Variants in OSBPL3 observed in about 807,000 individuals in gnomAD.
OSBPL3 encodes oxysterol-binding protein-related protein 3.
Under a neutral mutation model 120.1 loss-of-function variants are expected in OSBPL3, and 65 were observed. That is an observed-to-expected ratio of 0.54 (90% CI 0.44 to 0.67). The LOEUF is 0.67. Among genes scored for constraint, OSBPL3 ranks in the 30% least tolerant of loss-of-function variants. The pLI is 0.00. For missense variants in OSBPL3, 1,004 were observed against 1,082.1 expected (o/e 0.93, Z 1.01); for synonymous variants, 416 against 402.6 (o/e 1.03, Z -0.40).
In OSBPL3 at chr7:24,965,472, T is replaced by G. The variant is rs959881190; in HGVS notation, c.-150+14414A>C. Among the ~76,000 whole-genome samples, 1 of 152,194 alleles carries G rather than the reference T, an allele frequency of 6.6e-6. No homozygotes were observed. The highest frequency in any genetic ancestry group is 1.5e-5 in the Non-Finnish European group (1 of 68,032). ...AGTGTTATATAAAATAAGGGGGTTATGACAATCTAATGATAACCAGAATTC... is the reference window on the plus strand; with the variant it reads ...AGTGTTATATAAAATAAGGGGGTTAGGACAATCTAATGATAACCAGAATTC... On this transcript the variant is annotated intron_variant, in intron 1 of 22. Transcript: ENST00000313367. This position sits in a 1 kb window ranked among gnomAD's most constrained non-coding sequence, Gnocchi z 4.3.
chr7:24,863,633 T>G lies in OSBPL3; in HGVS notation c.674-34A>C. 2 of 1,341,994 alleles carry G rather than the reference T, an allele frequency of 1.5e-6. No homozygotes were observed. The highest frequency in any genetic ancestry group is 2.1e-6 in the Non-Finnish European group (2 of 932,070). 83.1% of individuals were successfully genotyped at this position (1,341,994 alleles called of 1,614,324 possible). The stretch of plus-strand genomic sequence containing the variant: ...GAAAAGAGGACAGTGCTCACAATGC[T>G]CCACTAGCAAGAGGGATCACTGTGC... On this transcript the variant is annotated intron_variant, in intron 7 of 22. Transcript: ENST00000313367. This position sits in a 1 kb window ranked among gnomAD's most constrained non-coding sequence, Gnocchi z 5.8.
chr7:24,921,994 C>T (rs956838493), intron 1 of OSBPL3, among the ~76,000 whole-genome samples: 6 of 152,212 alleles, frequency 3.9e-5, no homozygotes, highest in Admixed American at 2.6e-4. Flanking sequence ...CAATTTTTCA[C>T]CACCTTTATG....
At chr7:24,848,555 G>C (rs533715662) in intron 12 of OSBPL3, among the ~76,000 whole-genome samples, 1 of 152,142 alleles carries the variant, frequency 6.6e-6, no homozygotes, top group African/African-American at 2.4e-5. Flanking sequence ...AACTGACCAA[G>C]AGACACTTTA....
At chr7:24,920,717 T>G (rs1223768639) in intron 1 of OSBPL3, among the ~76,000 whole-genome samples, 2 of 151,962 alleles carry the variant, frequency 1.3e-5, no homozygotes, top group Non-Finnish European at 2.9e-5. Context: ...GCAAGCTCAG[T>G]TGAAAACAAA....
At position 24,914,166 on chromosome 7, in the gene OSBPL3, C is replaced by T. The variant is rs372397599; in HGVS notation, c.-149-21545G>A. Among the ~76,000 whole-genome samples, 27 of 152,044 alleles carry T rather than the reference C, an allele frequency of 1.8e-4. No individual in the cohort carries two copies. The South Asian group carries it at 5.6e-3, about 32-fold the overall frequency. ...GAAGAATGATTGAAAGTAGAGGTAA[C>T]AAGGGAGAAGAGACAAGAGCCCAAC... On this transcript the variant is annotated intron_variant, in intron 1 of 22. Coordinates refer to ENST00000313367, the MANE Select transcript of OSBPL3 (RefSeq NM_015550.4).
intron 1 of OSBPL3, among the ~76,000 whole-genome samples, chr7:24,950,505 G>A (rs1372346361): frequency 2.0e-5 from 3 of 151,756 alleles, no homozygotes; most frequent in Non-Finnish European, 4.4e-5. Flanking sequence ...GGCGGATCAC[G>A]AGGTCAGGAG....
At chr7:24,906,843 C>A (rs1487088254) in intron 1 of OSBPL3, among the ~76,000 whole-genome samples, 1 of 152,158 alleles carries the variant, frequency 6.6e-6, no homozygotes, top group Non-Finnish European at 1.5e-5. Flanking sequence ...TCTTGATCAT[C>A]TTTACAGGCC....
intron 10 of OSBPL3, among the ~76,000 whole-genome samples, chr7:24,853,701 T>C (rs1422268498): frequency 6.6e-6 from 1 of 152,142 alleles, no homozygotes; most frequent in African/African-American, 2.4e-5. Flanking sequence ...TATAAAGCCA[T>C]AAAGAACAAC....
Position 24,806,865 on chromosome 7 carries a change from G to A in OSBPL3, c.2355C>T (p.Phe785=), listed in dbSNP as rs1221178750. The A allele has an allele frequency of 7.4e-6, 12 of 1,613,904 alleles. No homozygotes were observed. The East Asian group carries it at 2.7e-4, about 36-fold the overall frequency. The change falls in exon 21 of 23, where the codon TTC becomes TTT. Residue 785 remains phenylalanine, a synonymous_variant. Transcript: ENST00000313367. The surrounding 1 kb of genome is among the most constrained non-coding windows in gnomAD (Gnocchi z 5.2). ...MPKGYEQYYS[F]TQFALELNEM... is the part of the protein sequence containing the mutation. ...CATTTAATTCCAGCGCAAACTGTGT[G>A]AAGCTATAGTATTGCTCGTAGCCTT...
chr7:24,960,682 G>T (rs1022078051), intron 1 of OSBPL3, among the ~76,000 whole-genome samples: 1 of 152,102 alleles, frequency 6.6e-6, no homozygotes, highest in African/African-American at 2.4e-5. Context: ...TGAAGTCTAG[G>T]TGACCACCAG....
At chr7:24,880,923 T>C (rs1803591851) in intron 2 of OSBPL3, among the ~76,000 whole-genome samples, 2 of 152,186 alleles carry the variant, frequency 1.3e-5, no homozygotes, top group South Asian at 4.1e-4. Flanking sequence ...AAAAAACCTT[T>C]CAGTGACATG....
rs1809557136 is a variant in OSBPL3, at chr7:24,916,430, T to C, written c.-149-23809A>G. On this transcript the variant is annotated intron_variant, in intron 1 of 22. Transcript: ENST00000313367. This position sits in a 1 kb window ranked among gnomAD's most constrained non-coding sequence, Gnocchi z 4.9. ...ATATTTTACTTTCTCCTTTGAACTT[T>C]TTTTTCTTTTGCCTAATTTTTTTTA... 6.6e-6 allele frequency among the ~76,000 whole-genome samples: 1 copy of C among 152,144 alleles called. No homozygotes were observed. The highest frequency in any genetic ancestry group is 1.5e-5 in the Non-Finnish European group (1 of 68,022).
At chr7:24,884,245 A>C (rs1049337931) in intron 2 of OSBPL3, among the ~76,000 whole-genome samples, 85 of 152,328 alleles carry the variant, frequency 5.6e-4, no homozygotes, top group Admixed American at 2.0e-3. Flanking sequence ...TTAACTTCTG[A>C]AGAAGTCTTC....
Position 24,804,579 on chromosome 7 carries a change from G to A in OSBPL3, c.2445-142C>T, listed in dbSNP as rs532576550. 1.7e-5 allele frequency: 11 copies of A among 649,744 alleles called. No homozygotes were observed. The highest frequency in any genetic ancestry group is 5.6e-5 in the East Asian group (2 of 35,686). 40.2% of individuals were successfully genotyped at this position (649,744 alleles called of 1,614,324 possible). A position where few individuals can be genotyped will look rare whatever the true frequency, so the allele number is the denominator to read the frequency against. On this transcript the variant is annotated intron_variant, in intron 21 of 22. Transcript: ENST00000313367. The surrounding 1 kb of genome is among the most constrained non-coding windows in gnomAD (Gnocchi z 5.4). ...AGACCCCGCCCCAACCGTTTAATCC[G>A]TATCTTGAAGTAGTCAGAGAAGATA...
In OSBPL3 at chr7:24,898,163, G is replaced by C. The variant is rs986823874; in HGVS notation, c.-149-5542C>G. ...CAAAAATGTTACATGGTCAAAAGCAGGGCTTTGGTTATTTGGCTTTAAGCA... is the reference window on the plus strand; with the variant it reads ...CAAAAATGTTACATGGTCAAAAGCACGGCTTTGGTTATTTGGCTTTAAGCA... On this transcript the variant is annotated intron_variant, in intron 1 of 22. Coordinates refer to ENST00000313367, the MANE Select transcript of OSBPL3 (RefSeq NM_015550.4). This position sits in a 1 kb window ranked among gnomAD's most constrained non-coding sequence, Gnocchi z 4.3. Among the ~76,000 whole-genome samples, 1 of 152,180 alleles carries C rather than the reference G, an allele frequency of 6.6e-6. No individual in the cohort carries two copies. The highest frequency in any genetic ancestry group is 1.5e-5 in the Non-Finnish European group (1 of 68,044).
At chr7:24,826,671 G>C (rs1267441535) in intron 16 of OSBPL3, among the ~76,000 whole-genome samples, 1 of 152,168 alleles carries the variant, frequency 6.6e-6, no homozygotes, top group African/African-American at 2.4e-5. Context: ...ACCTTCCACA[G>C]AGCGCCGTTT....
At position 24,815,100 on chromosome 7, in the gene OSBPL3, G is replaced by T. The variant is rs150949070; in HGVS notation, c.2131C>A (p.Leu711Met). The T allele has an allele frequency of 1.2e-5, 20 of 1,613,352 alleles. No homozygotes were observed. The highest frequency in any genetic ancestry group is 1.6e-5 in the Non-Finnish European group (19 of 1,179,342). The change falls in exon 19 of 23, where the codon CTG (leucine) becomes ATG (methionine). Residue 711 changes from leucine (L) to methionine (M), a missense_variant. Physicochemically the swap from Leu to Met is conservative, Grantham distance 15. This residue lies in a region of OSBPL3 where 473 missense variants were observed against 568.0 expected (regional missense o/e 0.83). Transcript: ENST00000313367. This position sits in a 1 kb window ranked among gnomAD's most constrained non-coding sequence, Gnocchi z 5.1. ...EHYGEIVIKNLHDDSCYCKVN... is the reference protein window; with the variant it reads ...EHYGEIVIKNMHDDSCYCKVN... ...TTGCAGTAGCAGGAATCATCATGCA[G>T]GTTCTTGATGACAATCTCTCCATAG...
intron 10 of OSBPL3, among the ~76,000 whole-genome samples, chr7:24,858,318 G>A (rs1463662260): frequency 6.6e-6 from 1 of 152,158 alleles, no homozygotes; most frequent in Non-Finnish European, 1.5e-5. Context: ...TGATGCAGTC[G>A]AGAAAGTACA....
chr7:24,818,922 C>A lies in OSBPL3; in HGVS notation c.1948+1253G>T, dbSNP rs1794786465. 6.6e-6 allele frequency among the ~76,000 whole-genome samples: 1 copy of A among 152,008 alleles called. No individual in the cohort carries two copies. The highest frequency in any genetic ancestry group is 1.5e-5 in the Non-Finnish European group (1 of 67,994). On this transcript the variant is annotated intron_variant, in intron 17 of 22. Coordinates refer to ENST00000313367, the MANE Select transcript of OSBPL3 (RefSeq NM_015550.4). The surrounding 1 kb of genome is among the most constrained non-coding windows in gnomAD (Gnocchi z 4.0). ...AAGGGAAGGATGTAACACAGGAGCA[C>A]ACAAAACTACTTTGAGAAGACCCCT...
Sources: allele counts gnomAD v4.1 joint callset (sites outside exome capture counted in the v4.1 genomes callset), GRCh38; gene constraint gnomAD v4.1.1; regional missense constraint gnomAD v4.1.1; non-coding constraint Gnocchi (gnomAD v3.1); transcripts MANE v1.5; gene names NCBI Gene and HGNC (gene_info 2026-07-23, HGNC 2026-07-21).